SLC28A3: variants seen among roughly 807,000 people sequenced by gnomAD.
SLC28A3 encodes concentrative Na(+)-nucleoside cotransporter 3.
A neutral mutation model predicts 84.2 loss-of-function variants in SLC28A3; 68 were observed. The observed-to-expected ratio is 0.81, with a 90% confidence interval of 0.66 to 0.99. The LOEUF (loss-of-function observed/expected upper bound fraction) is 0.99. SLC28A3 is among the 50% of genes least tolerant of loss of function. The probability of loss-of-function intolerance (pLI) is 0.00; values close to 1 mark genes in which losing one functional copy is unlikely to be tolerated. For synonymous variants in SLC28A3, 267 were observed against 303.6 expected (o/e 0.88, Z 1.25); for missense variants, 712 against 841.5 (o/e 0.85, Z 1.90).
intron 4 of SLC28A3, among the ~76,000 whole-genome samples, chr9:84,304,520 C>T (rs1365520112): frequency 1.3e-5 from 2 of 152,062 alleles, no homozygotes; most frequent in Non-Finnish European, 2.9e-5. Flanking sequence ...CCAAGGAGCT[C>T]TTTGTTTTGG....
chr9:84,299,764 G>A (rs1825554935), intron 5 of SLC28A3, 39 bp from the exon 6 acceptor site: 10 of 1,543,556 alleles, frequency 6.5e-6, no homozygotes, highest in Non-Finnish European at 8.7e-6. Context: ...ATCATTTGTT[G>A]TGCTAACTTG....
chr9:84,280,385 A>G (rs1414980621), intron 15 of SLC28A3, among the ~76,000 whole-genome samples: 2 of 152,214 alleles, frequency 1.3e-5, no homozygotes, highest in Admixed American at 1.3e-4. Context: ...AAAGAGTGGC[A>G]GGAGGCATAG....
At chr9:84,346,990 C>G in the SLC28A3 span, among the ~76,000 whole-genome samples, 1 of 152,016 alleles carries the variant, frequency 6.6e-6, no homozygotes, top group Non-Finnish European at 1.5e-5. Context: ...GCCTGGCCAA[C>G]ATGGTAAAAT....
upstream of SLC28A3, among the ~76,000 whole-genome samples, chr9:84,344,509 C>CCA (rs1241905201): frequency 6.6e-6 from 1 of 152,000 alleles, no homozygotes; most frequent in East Asian, 1.9e-4. Context: ...TTATTTAACC[C>CCA]TATATATCAT....
At chr9:84,299,845 T>TGC in intron 5 of SLC28A3, 120 bp from the exon 6 acceptor site, 1 of 1,168,518 alleles carries the variant, frequency 8.6e-7, no homozygotes, top group South Asian at 1.7e-5. Flanking sequence ...CAGGCTGGAG[T>TGC]AGAATGGAGC....
chr9:84,320,217 T>C (rs1686006770), intron 1 of SLC28A3, among the ~76,000 whole-genome samples: 3 of 91,770 alleles, frequency 3.3e-5, no homozygotes, highest in African/African-American at 1.2e-4. Context: ...ACCCTGCTCA[T>C]TTTTTTTTTG....
At position 84,288,074 on chromosome 9, in the gene SLC28A3, G is replaced by A; in HGVS notation, c.1254C>T (p.Leu418=). 1 of 1,613,994 alleles carries A rather than the reference G, an allele frequency of 6.2e-7. No homozygotes were observed. The highest frequency in any genetic ancestry group is 1.7e-5 in the Admixed American group (1 of 60,008). ...WPETEKPKIT[L]KNAMKMESGD... ...CACTTTCCATTTTCATGGCATTCTT[G>A]AGGGTTATTTTAGGTTTTTCTGTCT... Residue 418 remains leucine, a synonymous_variant, in exon 12 of 18, where the codon CTC becomes CTT. Coordinates refer to ENST00000376238, the MANE Select transcript of SLC28A3 (RefSeq NM_001199633.2).
At chr9:84,316,094 G>C (rs1826161831) in intron 1 of SLC28A3, among the ~76,000 whole-genome samples, 1 of 152,184 alleles carries the variant, frequency 6.6e-6, no homozygotes. Context: ...GTAACCAGGA[G>C]TACATTGTGC....
intron 1 of SLC28A3, among the ~76,000 whole-genome samples, chr9:84,314,882 T>G (rs775028759): frequency 4.6e-5 from 7 of 152,128 alleles, no homozygotes; most frequent in African/African-American, 9.7e-5. Flanking sequence ...ATTGAGACCA[T>G]CCTGGCTAAC....
intron 1 of SLC28A3, among the ~76,000 whole-genome samples, chr9:84,322,192 G>A (rs1055929503): frequency 3.3e-5 from 5 of 152,222 alleles, no homozygotes; most frequent in African/African-American, 1.2e-4. Context: ...TCAAGAACAG[G>A]AAATATGGCT....
intron 3 of SLC28A3, among the ~76,000 whole-genome samples, chr9:84,305,797 G>A (rs186104544): frequency 2.0e-5 from 3 of 152,318 alleles, no homozygotes; most frequent in African/African-American, 7.2e-5. Flanking sequence ...AGTTGGTGGT[G>A]CTCTGTCCCC....
the SLC28A3 span, among the ~76,000 whole-genome samples, chr9:84,347,834 G>C: frequency 6.6e-6 from 1 of 152,210 alleles, no homozygotes; most frequent in Non-Finnish European, 1.5e-5. Flanking sequence ...AACAGCGTCA[G>C]CTCAAGGCTG....
intron 1 of SLC28A3, among the ~76,000 whole-genome samples, chr9:84,326,519 T>C (rs921237810): frequency 1.3e-5 from 2 of 152,186 alleles, no homozygotes; most frequent in African/African-American, 2.4e-5. Context: ...TTGCAGAACA[T>C]GTTGCCTTGT....
chr9:84,297,163 A>G, intron 8 of SLC28A3, 58 bp downstream of exon 8: 4 of 1,475,788 alleles, frequency 2.7e-6, no homozygotes, highest in Non-Finnish European at 2.8e-6. Context: ...CTGAACATCT[A>G]CAAAGACAGA....
chr9:84,322,198 T>C (rs887855736), intron 1 of SLC28A3, among the ~76,000 whole-genome samples: 13 of 152,214 alleles, frequency 8.5e-5, no homozygotes, highest in Admixed American at 6.5e-4. Flanking sequence ...ACAGGAAATA[T>C]GGCTTCAGCT....
rs563962411 is a variant in SLC28A3, at chr9:84,287,915, A to G, written c.1280+133T>C. The G allele has an allele frequency of 1.0e-4, 128 of 1,219,830 alleles. No individual in the cohort carries two copies. In the African/African-American group the frequency reaches 1.8e-3, roughly 17 times the overall value. The allele number at this position is 1,219,830 out of a possible 1,614,324, so 75.6% of individuals were successfully genotyped here. On this transcript the variant is annotated intron_variant, in intron 12 of 17. Coordinates refer to ENST00000376238, the MANE Select transcript of SLC28A3 (RefSeq NM_001199633.2). ...TAAGACTTTTTTCTGTGAAGTCTAA[A>G]TAGTCTTTGGACTAACTTTAATATT... is the stretch of plus-strand genomic sequence containing the variant.
At chr9:84,299,856 G>A (rs530032784) in intron 5 of SLC28A3, 131 bp from the exon 6 acceptor site, 1,164 of 1,035,424 alleles carry the variant, frequency 1.1e-3, no homozygotes, top group African/African-American at 4.4e-3. Flanking sequence ...AGAATGGAGC[G>A]ATCTTGGCTC....
intron 1 of SLC28A3, among the ~76,000 whole-genome samples, chr9:84,327,984 G>A (rs1348953435): frequency 6.7e-6 from 1 of 149,802 alleles, no homozygotes; most frequent in Non-Finnish European, 1.5e-5. Context: ...TAGTTGATCA[G>A]ACTCAGAGTT....
At chr9:84,302,473 G>T in intron 4 of SLC28A3, 84 bp from the exon 5 acceptor site, 1 of 1,372,328 alleles carries the variant, frequency 7.3e-7, no homozygotes, top group Non-Finnish European at 1.0e-6. Flanking sequence ...TGGCGCAGGT[G>T]AGGGGAGGTT....
Sources: allele counts gnomAD v4.1 joint callset (sites outside exome capture counted in the v4.1 genomes callset), GRCh38; gene constraint gnomAD v4.1.1; transcripts MANE v1.5; gene names NCBI Gene and HGNC (gene_info 2026-07-23, HGNC 2026-07-21).